Variants in HS1BP3 observed in about 807,000 individuals in gnomAD.
HS1BP3 encodes the protein HCLS1-binding protein 3.
In HS1BP3, 32 loss-of-function variants were observed where a neutral mutation model predicts 33.5. The ratio of observed to expected loss-of-function variants is 0.95; its 90% CI spans 0.72 to 1.28. The LOEUF (loss-of-function observed/expected upper bound fraction) is 1.28, where lower values mean the gene tolerates loss of function less well. HS1BP3 is among the 50% of genes most tolerant of loss of function. HS1BP3 has a pLI of 0.00. For synonymous variants in HS1BP3, 187 were observed against 209.2 expected (o/e 0.89, Z 0.92); for missense variants, 486 against 502.3 (o/e 0.97, Z 0.31).
intron 4 of HS1BP3, 90 bp from the exon 5 acceptor site, chr2:20,624,982 G>C: frequency 1.4e-6 from 2 of 1,459,938 alleles, no homozygotes; most frequent in Non-Finnish European, 1.9e-6. Flanking sequence ...GGGCCCTGCA[G>C]TGGAGGGGCT....
chr2:20,563,966 A>T (rs138351908), intron 5 of HS1BP3, among the ~76,000 whole-genome samples: 100 of 152,224 alleles, frequency 6.6e-4, no homozygotes, highest in African/African-American at 2.4e-3. Flanking sequence ...CTCAGCAGTG[A>T]CACATGTGAT....
At chr2:20,578,656 G>A (rs1693457951) in intron 5 of HS1BP3, among the ~76,000 whole-genome samples, 1 of 152,212 alleles carries the variant, frequency 6.6e-6, no homozygotes, top group Admixed American at 6.5e-5. Flanking sequence ...GAAGAGAGAG[G>A]ACCACCATTC....
chr2:20,630,254 T>C (rs1369491717), intron 4 of HS1BP3, among the ~76,000 whole-genome samples: 1 of 152,136 alleles, frequency 6.6e-6, no homozygotes, highest in Non-Finnish European at 1.5e-5. Context: ...CTGTTTGGTG[T>C]CTTTTTGTTT....
intron 1 of HS1BP3, among the ~76,000 whole-genome samples, chr2:20,649,343 C>G (rs899905393): frequency 6.6e-6 from 1 of 152,214 alleles, no homozygotes; most frequent in African/African-American, 2.4e-5. Flanking sequence ...TTTCATGGCT[C>G]TCTCCCTCAT....
chr2:20,598,299 G>A (rs1473586798), intron 2 of HS1BP3: 3 of 383,040 alleles, frequency 7.8e-6, no homozygotes, highest in South Asian at 5.8e-5. Flanking sequence ...TAGATCGTCA[G>A]GCATTAGATT....
intron 2 of HS1BP3, among the ~76,000 whole-genome samples, chr2:20,641,605 G>A (rs575422014): frequency 1.4e-4 from 21 of 152,278 alleles, no homozygotes; most frequent in Admixed American, 2.6e-4. Flanking sequence ...TCATTCTCCC[G>A]TGAACCAGTG....
chr2:20,625,304 C>T (rs1190026909), intron 4 of HS1BP3, among the ~76,000 whole-genome samples: 2 of 152,266 alleles, frequency 1.3e-5, no homozygotes, highest in Admixed American at 6.5e-5. Context: ...AGCTGCCAGA[C>T]AACCCCAGCT....
intron 4 of HS1BP3, among the ~76,000 whole-genome samples, chr2:20,625,797 G>C (rs1429154155): frequency 6.6e-6 from 1 of 152,190 alleles, no homozygotes; most frequent in Non-Finnish European, 1.5e-5. Flanking sequence ...TTTTGATCCA[G>C]GCGGTAGTTA....
intron 5 of HS1BP3, among the ~76,000 whole-genome samples, chr2:20,574,097 T>C (rs1693342160): frequency 6.6e-6 from 1 of 152,202 alleles, no homozygotes; most frequent in Admixed American, 6.5e-5. Flanking sequence ...GGGAAAACAA[T>C]TGCACTGATT....
At chr2:20,564,608 C>T (rs115451427) in intron 5 of HS1BP3, among the ~76,000 whole-genome samples, 2,866 of 152,136 alleles carry the variant, frequency 0.019, 89 homozygotes, top group African/African-American at 0.067. Context: ...CTTAGCCACC[C>T]GAATAACTGG....
intron 6 of HS1BP3, 69 bp downstream of exon 6, chr2:20,623,827 G>A (rs751052629): frequency 6.7e-5 from 100 of 1,502,694 alleles, no homozygotes; most frequent in Non-Finnish European, 8.4e-5. Context: ...ACTGGGCAAT[G>A]AGCCGGGCCC....
intron 5 of HS1BP3, among the ~76,000 whole-genome samples, chr2:20,582,622 G>A (rs995686539): frequency 2.6e-5 from 4 of 152,056 alleles, no homozygotes; most frequent in Non-Finnish European, 5.9e-5. Flanking sequence ...CCCCATCCTT[G>A]GCATCAGGGG....
chr2:20,558,490 A>T (rs1692895167), downstream of HS1BP3, among the ~76,000 whole-genome samples: 1 of 152,198 alleles, frequency 6.6e-6, no homozygotes, highest in African/African-American at 2.4e-5. Context: ...GCTGCAAGGT[A>T]GCTGACAGCC....
intron 4 of HS1BP3, chr2:20,636,781 T>C (rs1284616477): frequency 6.6e-6 from 1 of 152,232 alleles, no homozygotes; most frequent in South Asian, 2.1e-4. Context: ...AATGCTGTCT[T>C]ACAGATATAA....
chr2:20,559,920 C>A (rs946237139), downstream of HS1BP3, among the ~76,000 whole-genome samples: 3 of 152,186 alleles, frequency 2.0e-5, no homozygotes, highest in African/African-American at 4.8e-5. Context: ...CCTGAAAGGT[C>A]ACAAGGCAGT....
the HS1BP3 span, among the ~76,000 whole-genome samples, chr2:20,554,047 A>G: frequency 6.6e-6 from 1 of 152,200 alleles, no homozygotes; most frequent in Non-Finnish European, 1.5e-5. Flanking sequence ...CCACCGAGTG[A>G]TGTCAAGAGA....
chr2:20,559,407 C>T (rs142526366), downstream of HS1BP3, among the ~76,000 whole-genome samples: 409 of 152,248 alleles, frequency 2.7e-3, no homozygotes, highest in Non-Finnish European at 4.2e-3. Flanking sequence ...TGTAGAAGAA[C>T]GCAGTGAGTA....
chr2:20,624,764 T>C lies in HS1BP3; in HGVS notation c.752A>G (p.Gln251Arg). Reference sequence around the variant, plus strand: ...GGATGACACGTCCTCCGAGGGGTCCTGTGGAGACAGCTTCCTGCCCGGGCC... The same window carrying C: ...GGATGACACGTCCTCCGAGGGGTCCCGTGGAGACAGCTTCCTGCCCGGGCC... The part of the protein sequence containing the change: ...LFGPGRKLSP[Q>R]DPSEDVSSVD... Residue 251 changes from glutamine (Q) to arginine (R), a missense_variant, in exon 5 of 7, where the codon CAG becomes CGG. Physicochemically the swap from Gln to Arg is conservative, Grantham distance 43. Transcript: ENST00000304031. 6.2e-7 allele frequency: 1 copy of C among 1,611,816 alleles called. No homozygotes were observed. The highest frequency in any genetic ancestry group is 2.2e-5 in the East Asian group (1 of 44,770).
chr2:20,566,495 T>C (rs990636002), intron 5 of HS1BP3, among the ~76,000 whole-genome samples: 4 of 152,174 alleles, frequency 2.6e-5, no homozygotes, highest in Admixed American at 2.6e-4. Flanking sequence ...GGAGCAGGCA[T>C]CACTTGCTCA....
Sources: gnomAD v4.1 joint callset for allele counts (sites outside exome capture counted in the v4.1 genomes callset) on GRCh38, gnomAD v4.1.1 for gene constraint, MANE v1.5 for transcripts, NCBI Gene and HGNC (gene_info 2026-07-23, HGNC 2026-07-21) for gene names.